Variants in LPIN2 observed in about 807,000 individuals in gnomAD.
The protein encoded by LPIN2 is phosphatidate phosphatase LPIN2.
A neutral mutation model predicts 111.4 loss-of-function variants in LPIN2; 55 were observed. The observed-to-expected ratio is 0.49, with a 90% CI of 0.40 to 0.62. The LOEUF (loss-of-function observed/expected upper bound fraction) is 0.62. Ranked by LOEUF, LPIN2 falls within the 20% of genes least tolerant of loss-of-function variation. LPIN2 has a pLI of 0.00. For synonymous variants in LPIN2, 425 were observed against 414.0 expected (o/e 1.03, Z -0.32); for missense variants, 992 against 1,112.1 (o/e 0.89, Z 1.54).
chr18:2,917,455 C>G lies in LPIN2; in HGVS notation c.*2838G>C, dbSNP rs772146464. On this transcript the variant is annotated 3_prime_UTR_variant, in exon 20 of 20. Coordinates refer to ENST00000677752, the MANE Select transcript of LPIN2 (RefSeq NM_001375808.2). ...AAGGGTTGGCCTGCACCTGCAGTGC[C>G]AACTGTGGAAGGGCTGTGTGCAGGC... 4 of 152,214 alleles carry G rather than the reference C, an allele frequency of 2.6e-5. No homozygotes were observed. Among genetic ancestry groups the G allele is most frequent in the Non-Finnish European group, 4.4e-5 (3 of 68,042 alleles). The allele number at this position is 152,214 out of a possible 1,614,324, so 9.4% of individuals were successfully genotyped here.
intron 1 of LPIN2, among the ~76,000 whole-genome samples, chr18:3,005,678 C>CAT (rs2078503867): frequency 4.9e-5 from 1 of 20,498 alleles, no homozygotes; most frequent in African/African-American, 1.3e-4. Flanking sequence ...CACTATCTTA[C>CAT]ACACACACAC....
At chr18:2,991,753 T>C (rs773101913) in intron 1 of LPIN2, among the ~76,000 whole-genome samples, 20 of 152,142 alleles carry the variant, frequency 1.3e-4, no homozygotes, top group Non-Finnish European at 2.4e-4. Flanking sequence ...GGCTCACGCC[T>C]ATAATCTCAG....
At chr18:2,955,115 C>T (rs1022160993) in intron 2 of LPIN2, among the ~76,000 whole-genome samples, 1 of 152,078 alleles carries the variant, frequency 6.6e-6, no homozygotes. Context: ...TCCCAAGAAC[C>T]AGGTGAAACG....
intron 4 of LPIN2, chr18:2,946,165 G>A (rs9947756): frequency 0.017 from 27,183 of 1,609,484 alleles, 923 homozygotes; most frequent in East Asian, 0.12. Context: ...CTTGTTTTAG[G>A]GAGGCAGATA....
chr18:2,996,989 C>CT (rs78699561), intron 1 of LPIN2, among the ~76,000 whole-genome samples: 2 of 46,286 alleles, frequency 4.3e-5, no homozygotes, highest in African/African-American at 1.3e-4. Context: ...TTGTATTTTT[C>CT]TTTTTCTTTT....
Position 3,006,827 on chromosome 18 carries a change from ACT to A in LPIN2, c.-10+6258_-10+6259del, listed in dbSNP as rs547158426. On this transcript the variant is annotated intron_variant, in intron 1 of 19. Transcript: ENST00000677752. ...ACTCCAGCCTGGGCGACAGAACGAG[ACT>A]CTGTCTCAAAAAAAAAAAAAAGTAG... Among the ~76,000 whole-genome samples the A allele has an allele frequency of 3.2e-3, 458 of 144,838 alleles. 2 individuals are homozygous for A. The highest frequency in any genetic ancestry group is 0.011 in the African/African-American group (425 of 38,262).
rs1363741185 is a variant in LPIN2, at chr18:2,920,239, T to C, written c.*54A>G. On this transcript the variant is annotated 3_prime_UTR_variant, in exon 20 of 20. Coordinates refer to ENST00000677752, the MANE Select transcript of LPIN2 (RefSeq NM_001375808.2). ...GAGGTCAGCAGAAGAGCCAGCTGCCTTCCCTTGCTGTGGGGAGGGGGACCA... is the reference window on the plus strand; with the variant it reads ...GAGGTCAGCAGAAGAGCCAGCTGCCCTCCCTTGCTGTGGGGAGGGGGACCA... 4.3e-6 allele frequency: 7 copies of C among 1,611,330 alleles called. No individual in the cohort carries two copies. The Admixed American group carries it at 1.2e-4, about 27-fold the overall frequency.
At chr18:2,926,027 C>G (rs1314778934) in intron 13 of LPIN2, among the ~76,000 whole-genome samples, 1 of 152,152 alleles carries the variant, frequency 6.6e-6, no homozygotes, top group East Asian at 1.9e-4. Flanking sequence ...CACCTGTAGT[C>G]CCAGCTACTT....
At chr18:2,981,917 C>T (rs1293863824) in intron 1 of LPIN2, among the ~76,000 whole-genome samples, 4 of 152,126 alleles carry the variant, frequency 2.6e-5, no homozygotes, top group Non-Finnish European at 5.9e-5. Context: ...TAAAAATATC[C>T]ATCCTTAATT....
At chr18:2,991,780 G>A (rs1598605320) in intron 1 of LPIN2, among the ~76,000 whole-genome samples, 1 of 152,076 alleles carries the variant, frequency 6.6e-6, no homozygotes, top group Non-Finnish European at 1.5e-5. Flanking sequence ...GGGAGGGGGA[G>A]GTGGGTGGAT....
rs2077700957 is a variant in LPIN2, at chr18:2,960,824, T to A, written c.17A>T (p.Gln6Leu). 6.2e-7 allele frequency: 1 copy of A among 1,614,106 alleles called. No individual in the cohort carries two copies. MNYVG[Q>L]LAGQVIVTVK... ...AGTGACAATCACCTGCCCAGCCAGC[T>A]GTCCCACATAATTCATGGTTTGAGA... The change falls in exon 2 of 20, where the codon CAG becomes CTG. Residue 6 changes from glutamine to leucine, a missense_variant. By Grantham distance (113) the Gln-to-Leu change is moderately radical. This residue lies in a region of LPIN2 where 67 missense variants were observed against 112.1 expected (regional missense o/e 0.60). Coordinates refer to ENST00000677752, the MANE Select transcript of LPIN2 (RefSeq NM_001375808.2).
At chr18:2,950,312 C>G (rs575328722) in intron 4 of LPIN2, 1 of 152,282 alleles carries the variant, frequency 6.6e-6, no homozygotes, top group Admixed American at 6.5e-5. Context: ...GGTGTGACCT[C>G]TTTTCGACAG....
chr18:2,974,157 C>T (rs75459485), intron 1 of LPIN2, among the ~76,000 whole-genome samples: 9,798 of 152,204 alleles, frequency 0.064, 409 homozygotes, highest in Non-Finnish European at 0.095. Context: ...TGCAGTGGTG[C>T]AATCTGCCTC....
intron 16 of LPIN2, among the ~76,000 whole-genome samples, 158 bp downstream of exon 16, chr18:2,923,617 G>A (rs953723291): frequency 6.6e-6 from 1 of 152,012 alleles, no homozygotes; most frequent in African/African-American, 2.4e-5. Context: ...AGGTGCACAC[G>A]GCTCCCACAC....
chr18:2,958,141 C>CCAA (rs2077642420), intron 2 of LPIN2, among the ~76,000 whole-genome samples: 1 of 11,946 alleles, frequency 8.4e-5, no homozygotes, highest in Non-Finnish European at 2.0e-4. Context: ...GACTCCATCT[C>CCAA]AAAAAAAAAA....
At chr18:2,920,505 G>T (rs1438860827) in intron 19 of LPIN2, 68 bp from the exon 20 acceptor site, 2 of 1,560,210 alleles carry the variant, frequency 1.3e-6, no homozygotes, top group East Asian at 2.2e-5. Flanking sequence ...CAAGATGGGG[G>T]GCTGTGAAGC....
Position 2,997,136 on chromosome 18 carries a change from C to G in LPIN2, c.-10+15951G>C, listed in dbSNP as rs372197428. ...AGCTAGGATTACAGGTACCCACCCC[C>G]ACGCCTGGCTAATTTTTGTATTTTT... On this transcript the variant is annotated intron_variant, in intron 1 of 19. Transcript: ENST00000677752. Among the ~76,000 whole-genome samples the G allele has an allele frequency of 5.1e-4, 77 of 152,264 alleles. 2 individuals are homozygous for G. The South Asian group carries it at 0.013, about 26-fold the overall frequency.
chr18:2,931,169 T>A, intron 9 of LPIN2, 87 bp downstream of exon 9: 1 of 1,425,738 alleles, frequency 7.0e-7, no homozygotes, highest in Non-Finnish European at 9.7e-7. Flanking sequence ...AATGTAAATA[T>A]CCTGAAATGG....
intron 3 of LPIN2, among the ~76,000 whole-genome samples, chr18:2,952,514 A>AT (rs1275630274): frequency 6.6e-6 from 1 of 152,170 alleles, no homozygotes; most frequent in East Asian, 1.9e-4. Context: ...TTCTGTAATT[A>AT]TTTTTTTATT....
Sources: allele counts gnomAD v4.1 joint callset (sites outside exome capture counted in the v4.1 genomes callset), GRCh38; gene constraint gnomAD v4.1.1; regional missense constraint gnomAD v4.1.1; transcripts MANE v1.5; gene names NCBI Gene and HGNC (gene_info 2026-07-23, HGNC 2026-07-21).